Variants in CYSLTR2 observed in about 807,000 individuals in gnomAD.
CYSLTR2 encodes the protein G-protein coupled receptor GPCR21.
For missense variants in CYSLTR2, 398 were observed against 411.9 expected, an observed-to-expected ratio of 0.97 and a Z score of 0.29; for synonymous variants, 179 against 160.8, an observed-to-expected ratio of 1.11 and a Z score of -0.86.
chr13:48,704,916 G>A (rs1194198463), intron 4 of CYSLTR2, among the ~76,000 whole-genome samples: 1 of 152,154 alleles, frequency 6.6e-6, no homozygotes, highest in East Asian at 1.9e-4. Flanking sequence ...TAAGTATTCT[G>A]CTTTTGTTGG....
chr13:48,706,772 G>A, intron 4 of CYSLTR2, 45 bp from the exon 5 acceptor site: 2 of 1,476,076 alleles, frequency 1.4e-6, no homozygotes. Flanking sequence ...AGGAAAAAGG[G>A]AAATTCACAA....
At chr13:48,657,472 C>T (rs1343701965) in intron 1 of CYSLTR2, among the ~76,000 whole-genome samples, 1 of 148,452 alleles carries the variant, frequency 6.7e-6, no homozygotes, top group Admixed American at 6.7e-5. Flanking sequence ...ATAGAAAGAA[C>T]AGAAGAAAGG....
At chr13:48,672,643 A>T in intron 1 of CYSLTR2, among the ~76,000 whole-genome samples, 1 of 133,394 alleles carries the variant, frequency 7.5e-6, no homozygotes. Flanking sequence ...TTTGAGACAG[A>T]ATCTTGCTCT....
At chr13:48,690,151 G>A (rs1232696246) in intron 1 of CYSLTR2, among the ~76,000 whole-genome samples, 1 of 152,086 alleles carries the variant, frequency 6.6e-6, no homozygotes, top group Non-Finnish European at 1.5e-5. Flanking sequence ...GGAGTTTTTG[G>A]GCTGAGATGA....
chr13:48,664,949 C>G (rs2138826097), intron 1 of CYSLTR2, among the ~76,000 whole-genome samples: 1 of 152,100 alleles, frequency 6.6e-6, no homozygotes, highest in East Asian at 1.9e-4. Context: ...GCATTTATTG[C>G]TATAAGCTTG....
At chr13:48,701,804 C>G (rs1319427600) in intron 4 of CYSLTR2, among the ~76,000 whole-genome samples, 2 of 152,340 alleles carry the variant, frequency 1.3e-5, no homozygotes, top group East Asian at 3.9e-4. Context: ...CGCTTTTACA[C>G]TGTTGGTGGG....
chr13:48,681,648 C>T (rs140076444), intron 1 of CYSLTR2, among the ~76,000 whole-genome samples: 25 of 152,156 alleles, frequency 1.6e-4, no homozygotes, highest in Non-Finnish European at 3.1e-4. Flanking sequence ...TCATGCCTGC[C>T]GGATTTCATG....
In CYSLTR2 at chr13:48,674,960, G is replaced by T. The variant is rs571605226; in HGVS notation, c.-265-16252G>T. 2.7e-3 allele frequency among the ~76,000 whole-genome samples: 417 copies of T among 152,322 alleles called. 1 individual carries two copies. Among genetic ancestry groups the T allele is most frequent in the African/African-American group, 9.5e-3 (393 of 41,562 alleles). Reference sequence around the variant, plus strand: ...CTGGGTATCACCAGCAGAGGCTGCAGAACAGCAAAGATTGCTGCCTGCTCC... The same window carrying T: ...CTGGGTATCACCAGCAGAGGCTGCATAACAGCAAAGATTGCTGCCTGCTCC... On this transcript the variant is annotated intron_variant, in intron 1 of 4. Transcript: ENST00000682523.
At chr13:48,667,246 T>G (rs1566083253) in intron 1 of CYSLTR2, among the ~76,000 whole-genome samples, 1 of 152,224 alleles carries the variant, frequency 6.6e-6, no homozygotes, top group Non-Finnish European at 1.5e-5. Context: ...GTGGGCTTCC[T>G]GGGCTGTTTC....
chr13:48,664,763 T>C (rs1055677506), intron 1 of CYSLTR2, among the ~76,000 whole-genome samples: 1 of 151,976 alleles, frequency 6.6e-6, no homozygotes, highest in African/African-American at 2.4e-5. Context: ...TTTGTTTACC[T>C]TTTCAAAAAA....
chr13:48,683,035 C>T (rs112426459), intron 1 of CYSLTR2, among the ~76,000 whole-genome samples: 15,221 of 152,116 alleles, frequency 0.1, 1,368 homozygotes, highest in African/African-American at 0.24. Flanking sequence ...CAGCTCCATC[C>T]GTGTTCCTGC....
At chr13:48,667,518 C>T (rs1323556) in intron 1 of CYSLTR2, among the ~76,000 whole-genome samples, 89,684 of 152,016 alleles carry the variant, frequency 0.59, 28,718 homozygotes, top group African/African-American at 0.86. Flanking sequence ...TGGCTCAGAA[C>T]GTCTGCTTGG....
intron 1 of CYSLTR2, among the ~76,000 whole-genome samples, chr13:48,664,276 G>C (rs558846073): frequency 6.6e-6 from 1 of 152,026 alleles, no homozygotes; most frequent in East Asian, 1.9e-4. Context: ...ATATTAGCCT[G>C]TAGTTTTTTT....
intron 3 of CYSLTR2, chr13:48,694,915 C>T (rs1229654361): frequency 1.3e-5 from 2 of 151,812 alleles, no homozygotes; most frequent in Non-Finnish European, 2.9e-5. Context: ...ATCAAAATTG[C>T]AGGGTATTCT....
intron 1 of CYSLTR2, among the ~76,000 whole-genome samples, chr13:48,663,897 T>C (rs1953192455): frequency 6.6e-6 from 1 of 152,072 alleles, no homozygotes. Context: ...AGCATCATTG[T>C]CTGTCCCTGT....
At chr13:48,669,220 C>T (rs1397742150) in intron 1 of CYSLTR2, among the ~76,000 whole-genome samples, 2 of 152,086 alleles carry the variant, frequency 1.3e-5, no homozygotes, top group East Asian at 1.9e-4. Flanking sequence ...ATTTTCACTC[C>T]CACCAACAGT....
At chr13:48,705,151 A>G (rs1954447743) in intron 4 of CYSLTR2, among the ~76,000 whole-genome samples, 1 of 151,872 alleles carries the variant, frequency 6.6e-6, no homozygotes, top group African/African-American at 2.4e-5. Flanking sequence ...TAGTGGTTAA[A>G]CCCTGTTATT....
intron 1 of CYSLTR2, among the ~76,000 whole-genome samples, chr13:48,688,549 T>C (rs180808279): frequency 6.6e-6 from 1 of 152,208 alleles, no homozygotes; most frequent in Non-Finnish European, 1.5e-5. Flanking sequence ...AGAATGATGG[T>C]TTCCAGCTTC....
intron 1 of CYSLTR2, among the ~76,000 whole-genome samples, chr13:48,679,144 T>A (rs1161935848): frequency 1.3e-5 from 2 of 152,140 alleles, no homozygotes; most frequent in African/African-American, 4.8e-5. Flanking sequence ...AAACTTGCCA[T>A]GTGCTCTCAA....
Sources: allele counts gnomAD v4.1 joint callset (sites outside exome capture counted in the v4.1 genomes callset), GRCh38; gene constraint gnomAD v4.1.1; transcripts MANE v1.5; gene names NCBI Gene and HGNC (gene_info 2026-07-23, HGNC 2026-07-21).